Variants in ADGRV1 observed in about 807,000 individuals in gnomAD.
The protein encoded by ADGRV1 is adhesion G protein-coupled receptor V1, also known as G-protein coupled receptor 98.
Under a neutral mutation model 596.2 loss-of-function variants are expected in ADGRV1, and 359 were observed. The observed-to-expected ratio is 0.60, with a 90% CI of 0.55 to 0.66. ADGRV1 has a LOEUF of 0.66. Among genes scored for constraint, ADGRV1 ranks in the 30% least tolerant of loss-of-function variants. The probability of loss-of-function intolerance (pLI) is 0.00; values close to 1 mark genes in which losing one functional copy is unlikely to be tolerated. For synonymous variants in ADGRV1, 2,681 were observed against 2,679.2 expected (o/e 1.00, Z -0.02); for missense variants, 7,274 against 7,575.6 (o/e 0.96, Z 1.48).
At chr5:90,871,691 C>T (rs1581383178) in intron 83 of ADGRV1, among the ~76,000 whole-genome samples, 1 of 152,272 alleles carries the variant, frequency 6.6e-6, no homozygotes, top group East Asian at 1.9e-4. Context: ...CCTTTAAAAG[C>T]CTTCCTTCCT....
At chr5:91,090,176 A>C (rs1274799298) in intron 86 of ADGRV1, among the ~76,000 whole-genome samples, 1 of 152,182 alleles carries the variant, frequency 6.6e-6, no homozygotes, top group Non-Finnish European at 1.5e-5. Flanking sequence ...AAAACAGAGC[A>C]CTTAACCTTT....
chr5:90,987,435 A>G (rs1780586513), intron 85 of ADGRV1, among the ~76,000 whole-genome samples: 1 of 143,652 alleles, frequency 7.0e-6, no homozygotes, highest in African/African-American at 2.6e-5. Flanking sequence ...ACGCCACTGC[A>G]CTCCAGCCTG....
Position 90,848,793 on chromosome 5 carries a change from A to G in ADGRV1, c.17176A>G (p.Asn5726Asp), listed in dbSNP as rs1766173658. 6.3e-7 allele frequency: 1 copy of G among 1,586,104 alleles called. No homozygotes were observed. The highest frequency in any genetic ancestry group is 8.5e-7 in the Non-Finnish European group (1 of 1,170,034). Residue 5726 changes from asparagine (N) to aspartate (D), a missense_variant, in exon 79 of 90, where the codon AAT becomes GAT. Physicochemically the swap from Asn to Asp is conservative, Grantham distance 23 (BLOSUM62 1). Coordinates refer to ENST00000405460, the MANE Select transcript of ADGRV1 (RefSeq NM_032119.4). ...GAATTTTGCCTTTTCTCTGCTGACT[A>G]ATGTTACTTGCGGCTCTCCTGGTGA... ...TENFAFSLLT[N>D]VTCGSPGEKS...
rs572573360 is a variant in ADGRV1 at position 90,581,224 on chromosome 5, T to C, written c.22+22307T>C. Among the ~76,000 whole-genome samples the C allele has an allele frequency of 3.2e-4, 49 of 152,286 alleles. 1 individual carries two copies. Among genetic ancestry groups the C allele is most frequent in the African/African-American group, 1.1e-3 (46 of 41,562 alleles). On this transcript the variant is annotated intron_variant, in intron 1 of 89. Coordinates refer to ENST00000405460, the MANE Select transcript of ADGRV1 (RefSeq NM_032119.4). ...CATGCTCATTTAGCTCGGAGAAGTT[T>C]GTTATTACCGACCTTCTGAAGCCTA...
rs868251451 is a variant in ADGRV1 at position 90,790,966 on chromosome 5, A to G, written c.14137A>G (p.Ser4713Gly). The G allele has an allele frequency of 3.7e-6, 6 of 1,613,222 alleles. No homozygotes were observed. In the African/African-American group the frequency reaches 8.0e-5, roughly 22 times the overall value. ...FTIADGESEA[S>G]FDVHLLPDEV... ...CATTGCTGATGGAGAGAGTGAAGCT[A>G]GCTTTGATGTTCATTTGCTACCAGA... Residue 4713 changes from serine (S) to glycine (G), a missense_variant, in exon 70 of 90, where the codon AGC becomes GGC. Physicochemically the swap from Ser to Gly is moderately conservative, Grantham distance 56. Coordinates refer to ENST00000405460, the MANE Select transcript of ADGRV1 (RefSeq NM_032119.4).
intron 83 of ADGRV1, among the ~76,000 whole-genome samples, chr5:90,866,685 T>G (rs998339972): frequency 6.6e-6 from 1 of 152,062 alleles, no homozygotes; most frequent in Non-Finnish European, 1.5e-5. Flanking sequence ...AAATGTACCA[T>G]AAGAAAGATT....
At chr5:90,643,318 T>C (rs1767245968) in intron 13 of ADGRV1, among the ~76,000 whole-genome samples, 1 of 151,300 alleles carries the variant, frequency 6.6e-6, no homozygotes, top group South Asian at 2.1e-4. Flanking sequence ...GCTTTATTCA[T>C]GTTAAGGCTT....
chr5:90,602,900 A>G (rs1229427505), intron 1 of ADGRV1, among the ~76,000 whole-genome samples: 2 of 152,248 alleles, frequency 1.3e-5, no homozygotes, highest in Non-Finnish European at 2.9e-5. Flanking sequence ...GGGCACATGC[A>G]AAGTGGTGTG....
At chr5:90,732,350 C>T (rs960907999) in intron 50 of ADGRV1, among the ~76,000 whole-genome samples, 2 of 152,058 alleles carry the variant, frequency 1.3e-5, no homozygotes, top group Non-Finnish European at 2.9e-5. Context: ...GATTGACAAA[C>T]ATTGTTTATA....
At chr5:90,778,154 TGGG>T (rs1758449334) in intron 62 of ADGRV1, 111 bp downstream of exon 62, 3 of 1,234,862 alleles carry the variant, frequency 2.4e-6, no homozygotes, top group African/African-American at 3.0e-5. Context: ...TGGTTAGAAG[TGGG>T]GGATGGGGAG....
chr5:90,822,373 C>T (rs1397360807), intron 75 of ADGRV1, among the ~76,000 whole-genome samples: 2 of 152,158 alleles, frequency 1.3e-5, no homozygotes, highest in African/African-American at 4.8e-5. Context: ...AATCACCCGT[C>T]TTCTGCGTTG....
intron 78 of ADGRV1, 129 bp from the exon 79 acceptor site, chr5:90,848,508 G>GT: frequency 2.4e-6 from 1 of 412,964 alleles, no homozygotes; most frequent in Non-Finnish European, 4.0e-6. Context: ...TTTCTCTTAA[G>GT]TTTTCATAGG....
At chr5:90,928,476 G>A (rs76730517) in intron 83 of ADGRV1, among the ~76,000 whole-genome samples, 2,430 of 150,206 alleles carry the variant, frequency 0.016, 25 homozygotes, top group Non-Finnish European at 0.027. Context: ...TTGGTTTTCA[G>A]CTCCATCAGC....
chr5:90,728,493 A>T lies in ADGRV1; in HGVS notation c.10162-176A>T, dbSNP rs144932422. Among the ~76,000 whole-genome samples, 520 of 152,312 alleles carry T rather than the reference A, an allele frequency of 3.4e-3. 5 individuals are homozygous for T. The highest frequency in any genetic ancestry group is 0.012 in the African/African-American group (494 of 41,566). On this transcript the variant is annotated intron_variant, in intron 48 of 89. Coordinates refer to ENST00000405460, the MANE Select transcript of ADGRV1 (RefSeq NM_032119.4). The stretch of plus-strand genomic sequence containing the variant: ...GACATATATGTGCACACTCACACAG[A>T]TTAGATAAGGGAGAGAGCAGCAAGG...
At chr5:91,058,149 A>G (rs1460237587) in intron 85 of ADGRV1, among the ~76,000 whole-genome samples, 2 of 152,196 alleles carry the variant, frequency 1.3e-5, no homozygotes, top group Admixed American at 1.3e-4. Context: ...AGCACTGACC[A>G]GGAGTTTAAA....
intron 87 of ADGRV1, among the ~76,000 whole-genome samples, chr5:91,105,416 T>G (rs1008732329): frequency 1.3e-5 from 2 of 152,228 alleles, no homozygotes; most frequent in African/African-American, 4.8e-5. Context: ...ACCTCCATAC[T>G]GTTCTCCATA....
chr5:90,654,226 G>A, intron 20 of ADGRV1: 2 of 419,804 alleles, frequency 4.8e-6, no homozygotes, highest in Non-Finnish European at 8.7e-6. Flanking sequence ...CCTGTAGGAA[G>A]ACAGAAAAAA....
chr5:90,840,492 T>C, intron 77 of ADGRV1, 86 bp from the exon 78 acceptor site: 1 of 1,158,006 alleles, frequency 8.6e-7, no homozygotes, highest in Non-Finnish European at 1.2e-6. Flanking sequence ...TTAAGAGAAA[T>C]TGAATTTGTT....
At chr5:90,821,884 G>T (rs966031853) in intron 75 of ADGRV1, among the ~76,000 whole-genome samples, 1 of 152,156 alleles carries the variant, frequency 6.6e-6, no homozygotes, top group African/African-American at 2.4e-5. Context: ...TCTGTGCCCT[G>T]CCCCCAGAGG....
Sources: gnomAD v4.1 joint callset for allele counts (sites outside exome capture counted in the v4.1 genomes callset) on GRCh38, gnomAD v4.1.1 for gene constraint, MANE v1.5 for transcripts, NCBI Gene and HGNC (gene_info 2026-07-23, HGNC 2026-07-21) for gene names.